Variants in AGBL1 observed in about 807,000 individuals in gnomAD.
The protein encoded by AGBL1 is cytosolic carboxypeptidase 4.
AGBL1 carries 130 observed loss-of-function variants against 118.9 expected under a neutral mutation model. That is an observed-to-expected ratio of 1.09 (90% CI 0.95 to 1.26). The LOEUF (loss-of-function observed/expected upper bound fraction) is 1.26, where lower values mean the gene tolerates loss of function less well. AGBL1 is among the 50% of genes most tolerant of loss of function. AGBL1 has a pLI of 0.00. For missense variants in AGBL1, 1,584 were observed against 1,298.1 expected, an observed-to-expected ratio of 1.22 and a Z score of -3.38; for synonymous variants, 555 against 478.9, an observed-to-expected ratio of 1.16 and a Z score of -2.08.
At chr15:86,363,305 C>T (rs2080834259) in intron 17 of AGBL1, among the ~76,000 whole-genome samples, 1 of 152,152 alleles carries the variant, frequency 6.6e-6, no homozygotes, top group African/African-American at 2.4e-5. Context: ...TTTAGACATA[C>T]TACTCTTTCA....
intron 23 of AGBL1, among the ~76,000 whole-genome samples, chr15:86,925,182 AG>A (rs1463787706): frequency 5.4e-5 from 3 of 55,160 alleles, no homozygotes; most frequent in Middle Eastern, 8.6e-3. Flanking sequence ...AGGAAGAGGA[AG>A]AGGAAGAAAA....
At chr15:86,589,124 T>C (rs528593658) in intron 21 of AGBL1, among the ~76,000 whole-genome samples, 4 of 152,132 alleles carry the variant, frequency 2.6e-5, no homozygotes, top group African/African-American at 9.7e-5. Context: ...TTTTTGGGTA[T>C]CATTTTAGAA....
At chr15:86,847,757 G>A (rs759184017) in intron 22 of AGBL1, among the ~76,000 whole-genome samples, 1 of 152,146 alleles carries the variant, frequency 6.6e-6, no homozygotes, top group Non-Finnish European at 1.5e-5. Flanking sequence ...CAGACTTGGA[G>A]TCAGACAGTG....
chr15:86,224,980 T>G (rs1241397259), intron 6 of AGBL1, 29 bp downstream of exon 6: 1 of 1,611,180 alleles, frequency 6.2e-7, no homozygotes, highest in Non-Finnish European at 8.5e-7. Flanking sequence ...GGGTGGCTAT[T>G]TCTCTCCACT....
intron 23 of AGBL1, among the ~76,000 whole-genome samples, chr15:86,985,486 A>G (rs865881374): frequency 6.6e-6 from 1 of 152,254 alleles, no homozygotes; most frequent in Non-Finnish European, 1.5e-5. Flanking sequence ...CCTGATGACT[A>G]ACGCTGCTAA....
At chr15:86,597,844 A>C (rs182774827) in intron 21 of AGBL1, among the ~76,000 whole-genome samples, 82 of 141,788 alleles carry the variant, frequency 5.8e-4, no homozygotes, top group African/African-American at 1.8e-3. Flanking sequence ...GATAGATAGA[A>C]GTGGGGCAAC....
At chr15:86,861,231 C>T (rs2079555444) in intron 22 of AGBL1, among the ~76,000 whole-genome samples, 1 of 152,098 alleles carries the variant, frequency 6.6e-6, no homozygotes, top group Admixed American at 6.5e-5. Context: ...CAACCATAGG[C>T]AATAACATAC....
intron 18 of AGBL1, among the ~76,000 whole-genome samples, chr15:86,469,425 T>G (rs908747395): frequency 3.3e-5 from 5 of 152,206 alleles, no homozygotes; most frequent in Non-Finnish European, 7.3e-5. Flanking sequence ...TTTCTAAGGA[T>G]GAGTACTATT....
At chr15:86,259,308 T>C (rs199660784) in intron 9 of AGBL1, among the ~76,000 whole-genome samples, 2 of 152,242 alleles carry the variant, frequency 1.3e-5, no homozygotes, top group Non-Finnish European at 2.9e-5. Context: ...ATTATAATTC[T>C]ATCTCCATTT....
intron 22 of AGBL1, among the ~76,000 whole-genome samples, chr15:86,698,182 A>G (rs866736932): frequency 6.6e-6 from 1 of 152,014 alleles, no homozygotes; most frequent in East Asian, 1.9e-4. Flanking sequence ...AACCCAACTA[A>G]TAGCCCAAGG....
chr15:86,837,923 T>G (rs567264409), intron 22 of AGBL1, among the ~76,000 whole-genome samples: 1 of 152,176 alleles, frequency 6.6e-6, no homozygotes, highest in Admixed American at 6.5e-5. Context: ...TTCCTACCTT[T>G]GTTTGCATCT....
intron 18 of AGBL1, among the ~76,000 whole-genome samples, chr15:86,458,013 T>C (rs2082281742): frequency 6.6e-6 from 1 of 152,128 alleles, no homozygotes; most frequent in African/African-American, 2.4e-5. Flanking sequence ...GCAGGTTTAA[T>C]AGGGAGAAAT....
intron 21 of AGBL1, among the ~76,000 whole-genome samples, chr15:86,596,527 T>C (rs1372396835): frequency 6.6e-6 from 1 of 152,304 alleles, no homozygotes; most frequent in Non-Finnish European, 1.5e-5. Flanking sequence ...GTACATCTCC[T>C]CATTCACTGC....
At chr15:86,731,214 G>C (rs2077523325) in intron 22 of AGBL1, among the ~76,000 whole-genome samples, 2 of 152,112 alleles carry the variant, frequency 1.3e-5, no homozygotes, top group Non-Finnish European at 2.9e-5. Context: ...AGCCTTTCTG[G>C]AATGATAGTA....
intron 24 of AGBL1, among the ~76,000 whole-genome samples, chr15:87,002,292 G>A (rs1284730699): frequency 2.0e-5 from 3 of 151,952 alleles, no homozygotes; most frequent in African/African-American, 4.8e-5. Context: ...AGTTGTAGAT[G>A]TGTGGTATTA....
intron 22 of AGBL1, among the ~76,000 whole-genome samples, chr15:86,742,614 G>T (rs80353640): frequency 6.6e-6 from 1 of 152,006 alleles, no homozygotes; most frequent in Non-Finnish European, 1.5e-5. Context: ...TTACCTCCCC[G>T]TAGGCCAGTC....
chr15:86,640,083 GTTA>G (rs755857848), intron 21 of AGBL1, among the ~76,000 whole-genome samples: 1 of 152,080 alleles, frequency 6.6e-6, no homozygotes, highest in Middle Eastern at 3.2e-3. Context: ...ACATGTCATA[GTTA>G]TTATTGTTAC....
intron 9 of AGBL1, among the ~76,000 whole-genome samples, chr15:86,258,723 T>C (rs2142018470): frequency 6.6e-6 from 1 of 152,294 alleles, no homozygotes; most frequent in African/African-American, 2.4e-5. Context: ...ATTTTTTTTT[T>C]TGAGACAGAG....
At chr15:86,161,650 A>T (rs1436131378) in intron 5 of AGBL1, among the ~76,000 whole-genome samples, 1 of 152,178 alleles carries the variant, frequency 6.6e-6, no homozygotes, top group African/African-American at 2.4e-5. Context: ...AATTTGCTTA[A>T]TGATAGAGGA....
Sources: allele counts gnomAD v4.1 joint callset (sites outside exome capture counted in the v4.1 genomes callset), GRCh38; gene constraint gnomAD v4.1.1; transcripts MANE v1.5; gene names NCBI Gene and HGNC (gene_info 2026-07-23, HGNC 2026-07-21).